SHANK1: variants seen among roughly 807,000 people sequenced by gnomAD.
The protein encoded by SHANK1 is SH3 and multiple ankyrin repeat domains 1, also known as SH3 and multiple ankyrin repeat domains protein 1.
In SHANK1, 35 loss-of-function variants were observed where a neutral mutation model predicts 165.6. The ratio of observed to expected loss-of-function variants is 0.21; its 90% CI spans 0.16 to 0.28. SHANK1 has a LOEUF of 0.28. SHANK1 is among the 10% of genes least tolerant of loss of function. SHANK1 has a pLI of 1.00. For synonymous variants in SHANK1, 1,428 were observed against 1,384.8 expected (o/e 1.03, Z -0.69); for missense variants, 2,681 against 3,036.4 (o/e 0.88, Z 2.75).
rs760902833 is a variant in SHANK1, at chr19:50,662,962, G to A, written c.5769-280C>T. On this transcript the variant is annotated intron_variant, in intron 23 of 23. Coordinates refer to ENST00000293441, the MANE Select transcript of SHANK1 (RefSeq NM_016148.5). The surrounding 1 kb of genome is among the most constrained non-coding windows in gnomAD (Gnocchi z 7.7). ...ACATTAAGTGATAATAATAATAATC[G>A]TCACCGCTTACTGATGCTCACGTGT... is the stretch of plus-strand genomic sequence containing the variant. 2.3e-5 allele frequency: 11 copies of A among 485,878 alleles called. No homozygotes were observed. The highest frequency in any genetic ancestry group is 4.7e-5 in the South Asian group (2 of 42,266). 30.1% of individuals were successfully genotyped at this position (485,878 alleles called of 1,614,324 possible). A position where few individuals can be genotyped will look rare whatever the true frequency, so the allele number is the denominator to read the frequency against.
intron 19 of SHANK1, 48 bp downstream of exon 19, chr19:50,687,534 T>A (rs369454772): frequency 2.1e-6 from 3 of 1,453,290 alleles, no homozygotes; most frequent in Non-Finnish European, 2.8e-6. Flanking sequence ...CCAGCCCTCC[T>A]TCCCCTCTCC....
chr19:50,661,623 A>C lies in SHANK1; in HGVS notation c.*342T>G, dbSNP rs1014930389. 6.6e-6 allele frequency among the ~76,000 whole-genome samples: 1 copy of C among 151,964 alleles called. No homozygotes were observed. The highest frequency in any genetic ancestry group is 1.5e-5 in the Non-Finnish European group (1 of 67,958). Reference sequence around the variant, plus strand: ...CGGCCTGGGGGACAGTCCCCATCCAATCGGGCTCAGGGCTGACCCTCTATG... The same window carrying C: ...CGGCCTGGGGGACAGTCCCCATCCACTCGGGCTCAGGGCTGACCCTCTATG... On this transcript the variant is annotated 3_prime_UTR_variant, in exon 24 of 24. Transcript: ENST00000293441.
chr19:50,695,839 C>T (rs1986721613), intron 15 of SHANK1, among the ~76,000 whole-genome samples: 1 of 151,874 alleles, frequency 6.6e-6, no homozygotes, highest in Admixed American at 6.5e-5. Flanking sequence ...GAACACACCA[C>T]CACAGCTCCC....
rs781533078 is a variant in SHANK1, at chr19:50,667,302, G to A, written c.4658C>T (p.Ser1553Leu). ...GAATTCGCCATCTTCCACATCCACC[G>A]AGGGGGCGGGAGGCGGCAGGACCAG... ...PLLVLPPPAP[S>L]VDVEDGEFLF... The change falls in exon 23 of 24, where the codon TCG becomes TTG. Residue 1553 changes from serine to leucine, a missense_variant. This residue lies in a region of SHANK1 where 1,713 missense variants were observed against 1,630.2 expected (regional missense o/e 1.05). Transcript: ENST00000293441. This position sits in a 1 kb window ranked among gnomAD's most constrained non-coding sequence, Gnocchi z 5.7. 12 of 1,592,216 alleles carry A rather than the reference G, an allele frequency of 7.5e-6. No individual in the cohort carries two copies. Among genetic ancestry groups the A allele is most frequent in the Non-Finnish European group, 9.4e-6 (11 of 1,175,854 alleles).
chr19:50,676,404 G>A (rs1197393458), intron 21 of SHANK1, among the ~76,000 whole-genome samples: 1 of 152,138 alleles, frequency 6.6e-6, no homozygotes, highest in Non-Finnish European at 1.5e-5. Context: ...GATGTGTAGA[G>A]GAACAGTGTT....
At position 50,687,570 on chromosome 19, in the gene SHANK1, C is replaced by T. The variant is rs757396521; in HGVS notation, c.2389+12G>A. ...CCCCGGCCCCCTGGCCTCAGCAGCC[C>T]CGCAGGCTCACCCATCTCCTCCAGC... is the stretch of plus-strand genomic sequence containing the variant. On this transcript the variant is annotated intron_variant, in intron 19 of 23. Coordinates refer to ENST00000293441, the MANE Select transcript of SHANK1 (RefSeq NM_016148.5). 47 of 1,546,650 alleles carry T rather than the reference C, an allele frequency of 3.0e-5. No individual in the cohort carries two copies. Among genetic ancestry groups the T allele is most frequent in the Middle Eastern group, 1.7e-4 (1 of 5,974 alleles).
Position 50,697,508 on chromosome 19 carries a change from G to A in SHANK1, c.1937+81C>T, listed in dbSNP as rs547526105. On this transcript the variant is annotated intron_variant, in intron 14 of 23. Transcript: ENST00000293441. The surrounding 1 kb of genome is among the most constrained non-coding windows in gnomAD (Gnocchi z 4.7). The stretch of plus-strand genomic sequence containing the variant: ...GAACAGATTAGAAAGGGGGCTTAGA[G>A]GTGATGGAAATATTTAAAGGTGTAC... The A allele has an allele frequency of 3.7e-6, 4 of 1,082,562 alleles. No homozygotes were observed. In the South Asian group the frequency reaches 3.7e-5, roughly 10 times the overall value. The allele number at this position is 1,082,562 out of a possible 1,614,324, so 67.1% of individuals were successfully genotyped here.
In SHANK1 at chr19:50,702,760, G is replaced by C. The variant is rs576456251; in HGVS notation, c.1554-100C>G. 51 of 725,938 alleles carry C rather than the reference G, an allele frequency of 7.0e-5. No individual in the cohort carries two copies. The highest frequency in any genetic ancestry group is 2.3e-4 in the African/African-American group (13 of 55,462). 45.0% of individuals were successfully genotyped at this position (725,938 alleles called of 1,614,324 possible). A position where few individuals can be genotyped will look rare whatever the true frequency, so the allele number is the denominator to read the frequency against. ...GTGGGGGAAGAGGACGGTGCATCAG[G>C]GGGGAGGGGGGGTTTCCCAGCACTG... is the stretch of plus-strand genomic sequence containing the variant. On this transcript the variant is annotated intron_variant, in intron 11 of 23. Coordinates refer to ENST00000293441, the MANE Select transcript of SHANK1 (RefSeq NM_016148.5). The surrounding 1 kb of genome is among the most constrained non-coding windows in gnomAD (Gnocchi z 5.3).
rs1284293680 is a variant in SHANK1, at chr19:50,668,295, C to A, written c.3665G>T (p.Gly1222Val). 5.4e-6 allele frequency: 7 copies of A among 1,303,982 alleles called. No homozygotes were observed. In the East Asian group the frequency reaches 1.5e-4, roughly 29 times the overall value. The allele number at this position is 1,303,982 out of a possible 1,614,324, so 80.8% of individuals were successfully genotyped here. The change falls in exon 23 of 24, where the codon GGC becomes GTC. Residue 1222 changes from glycine to valine, a missense_variant. Gly to Val is a moderately radical substitution (Grantham distance 109). Around this residue, in one of 10 missense-constraint regions of SHANK1, gnomAD observed 1,713 missense variants for 1,630.2 expected, o/e 1.05. Coordinates refer to ENST00000293441, the MANE Select transcript of SHANK1 (RefSeq NM_016148.5). ...SPVPTPASPSGPATLDFTSQF... is the reference protein window; with the variant it reads ...SPVPTPASPSVPATLDFTSQF... Reference sequence around the variant, plus strand: ...GCTCGTGAAGTCCAGCGTGGCCGGGCCGCTGGGCGAGGCGGGGGTGGGCAC... The same window carrying A: ...GCTCGTGAAGTCCAGCGTGGCCGGGACGCTGGGCGAGGCGGGGGTGGGCAC...
Position 50,697,754 on chromosome 19 carries a change from C to T in SHANK1, c.1861+89G>A. On this transcript the variant is annotated intron_variant, in intron 13 of 23. Coordinates refer to ENST00000293441, the MANE Select transcript of SHANK1 (RefSeq NM_016148.5). This position sits in a 1 kb window ranked among gnomAD's most constrained non-coding sequence, Gnocchi z 4.7. ...TCCTGGCCCAAGTCTTCCCATCTAC[C>T]TCCCAGTACCCCACCCCCATTAGGA... 7.3e-6 allele frequency: 11 copies of T among 1,513,500 alleles called. No individual in the cohort carries two copies. The South Asian group carries it at 1.2e-4, about 17-fold the overall frequency. The allele number at this position is 1,513,500 out of a possible 1,614,324, so 93.8% of individuals were successfully genotyped here.
chr19:50,667,964 G>A lies in SHANK1; in HGVS notation c.3996C>T (p.Phe1332=). The change falls in exon 23 of 24, where the codon TTC becomes TTT. Residue 1332 remains phenylalanine (F), a synonymous_variant. Transcript: ENST00000293441. The surrounding 1 kb of genome is among the most constrained non-coding windows in gnomAD (Gnocchi z 5.7). The part of the protein sequence containing the change: ...GGGGSSAFTS[F]LPPRPLVHPL... Reference sequence around the variant, plus strand: ...GGTGCACCAGGGGTCGCGGGGGCAGGAAGCTGGTGAAGGCGCTGCTGCCCC... The same window carrying A: ...GGTGCACCAGGGGTCGCGGGGGCAGAAAGCTGGTGAAGGCGCTGCTGCCCC... 7.0e-7 allele frequency: 1 copy of A among 1,418,674 alleles called. No homozygotes were observed. Among genetic ancestry groups the A allele is most frequent in the Non-Finnish European group, 9.2e-7 (1 of 1,091,156 alleles). 87.9% of individuals were successfully genotyped at this position (1,418,674 alleles called of 1,614,324 possible).
Position 50,666,576 on chromosome 19 carries a change from T to G in SHANK1, c.5384A>C (p.Asp1795Ala), listed in dbSNP as rs763789879. The change falls in exon 23 of 24, where the codon GAT becomes GCT. Residue 1795 changes from aspartate to alanine, a missense_variant. Transcript: ENST00000293441. ...ACAAGCACGCAGGGCCAGCAGCCCA[T>G]CGGTTCCAGCCCCTGTCACCGAGAC... ...PTVSVTGAGT[D>A]GLLALRACSG... 3.7e-6 allele frequency: 6 copies of G among 1,600,454 alleles called. No individual in the cohort carries two copies. In the Admixed American group the frequency reaches 6.8e-5, roughly 18 times the overall value.
rs754465479 is a variant in SHANK1, at chr19:50,672,032, C to G, written c.2660G>C (p.Arg887Pro). ...GGGTGGCATACCGATAGATTTTTGC[C>G]GGAGCATCAACCCAGGTCCTGGAGG... is the stretch of plus-strand genomic sequence containing the variant. The part of the protein sequence containing the change: ...FLPPGPGLML[R>P]QKSIGAAEDD... The change falls in exon 22 of 24, where the codon CGG becomes CCG. Residue 887 changes from arginine to proline, a missense_variant. This residue lies in a region of SHANK1 where 206 missense variants were observed against 216.0 expected (regional missense o/e 0.95). Transcript: ENST00000293441. 1.2e-6 allele frequency: 2 copies of G among 1,613,286 alleles called. No homozygotes were observed. The highest frequency in any genetic ancestry group is 8.5e-7 in the Non-Finnish European group (1 of 1,179,574).
intron 21 of SHANK1, among the ~76,000 whole-genome samples, chr19:50,675,646 C>T (rs953275940): frequency 1.3e-5 from 2 of 152,122 alleles, no homozygotes; most frequent in South Asian, 2.1e-4. Flanking sequence ...AGCATAAATT[C>T]GTAAAATATA....
Position 50,688,109 on chromosome 19 carries a change from C to A in SHANK1, c.2173-51G>T. On this transcript the variant is annotated intron_variant, in intron 17 of 23. Transcript: ENST00000293441. The surrounding 1 kb of genome is among the most constrained non-coding windows in gnomAD (Gnocchi z 6.7). The stretch of plus-strand genomic sequence containing the variant: ...CACAGAGTAGACGAGGGGAGGGGTG[C>A]TTGCAGCTTCAGAGACCCCAAGGAG... The A allele has an allele frequency of 6.2e-7, 1 of 1,606,888 alleles. No individual in the cohort carries two copies. The highest frequency in any genetic ancestry group is 1.3e-5 in the African/African-American group (1 of 74,992).
At position 50,716,210 on chromosome 19, in the gene SHANK1, G is replaced by GT; in HGVS notation, c.459+64dup. The GT allele has an allele frequency of 6.8e-7, 1 of 1,478,402 alleles. No individual in the cohort carries two copies. Among genetic ancestry groups the GT allele is most frequent in the South Asian group, 1.2e-5 (1 of 86,558 alleles). The allele number at this position is 1,478,402 out of a possible 1,614,324, so 91.6% of individuals were successfully genotyped here. A position where few individuals can be genotyped will look rare whatever the true frequency, so the allele number is the denominator to read the frequency against. On this transcript the variant is annotated intron_variant, in intron 3 of 23. Coordinates refer to ENST00000293441, the MANE Select transcript of SHANK1 (RefSeq NM_016148.5). The surrounding 1 kb of genome is among the most constrained non-coding windows in gnomAD (Gnocchi z 8.4). ...AGGTTTCGAGTGTGTTAAAAAGTGGGTGGGGGGCAGATGTGTTTTAGGGCA... is the reference window on the plus strand; with the variant it reads ...AGGTTTCGAGTGTGTTAAAAAGTGGGTTGGGGGGCAGATGTGTTTTAGGGCA...
At chr19:50,683,590 G>C (rs1054760633) in intron 21 of SHANK1, among the ~76,000 whole-genome samples, 1 of 152,062 alleles carries the variant, frequency 6.6e-6, no homozygotes. Context: ...ACCATGCTTG[G>C]GGGACCTTTT....
Position 50,697,421 on chromosome 19 carries a change from G to A in SHANK1, c.1937+168C>T, listed in dbSNP as rs958718480. Among the ~76,000 whole-genome samples, 1 of 152,172 alleles carries A rather than the reference G, an allele frequency of 6.6e-6. No individual in the cohort carries two copies. Among genetic ancestry groups the A allele is most frequent in the African/African-American group, 2.4e-5 (1 of 41,428 alleles). ...TAGTGGCTGCCGAAGATGGTTTGGG[G>A]TTGGGCTGTACTGTCTGAAGCTAAT... On this transcript the variant is annotated intron_variant, in intron 14 of 23. Transcript: ENST00000293441. This position sits in a 1 kb window ranked among gnomAD's most constrained non-coding sequence, Gnocchi z 4.7.
At chr19:50,706,606 G>A (rs951066668) in intron 8 of SHANK1, among the ~76,000 whole-genome samples, 4 of 151,400 alleles carry the variant, frequency 2.6e-5, no homozygotes, top group African/African-American at 9.7e-5. Context: ...ACCTTTGCAC[G>A]GCTGCTCCCT....
Sources: allele counts gnomAD v4.1 joint callset (sites outside exome capture counted in the v4.1 genomes callset), GRCh38; gene constraint gnomAD v4.1.1; regional missense constraint gnomAD v4.1.1; non-coding constraint Gnocchi (gnomAD v3.1); transcripts MANE v1.5; gene names NCBI Gene and HGNC (gene_info 2026-07-23, HGNC 2026-07-21).